Variants in PTPRN2 observed in about 807,000 individuals in gnomAD.
PTPRN2 encodes protein tyrosine phosphatase receptor type N2.
PTPRN2 carries 74 observed loss-of-function variants against 118.8 expected under a neutral mutation model. The observed-to-expected ratio is 0.62, with a 90% CI of 0.52 to 0.76. The LOEUF is 0.76. Ranked by LOEUF, PTPRN2 falls within the 30% of genes least tolerant of loss-of-function variation. The probability of loss-of-function intolerance (pLI) is 0.00; values close to 1 mark genes in which losing one functional copy is unlikely to be tolerated. For missense variants in PTPRN2, 1,481 were observed against 1,394.4 expected (o/e 1.06, Z -0.99); for synonymous variants, 641 against 608.0 (o/e 1.05, Z -0.80).
intron 2 of PTPRN2, among the ~76,000 whole-genome samples, chr7:158,449,990 A>C (rs1483310016): frequency 6.6e-6 from 1 of 152,222 alleles, no homozygotes; most frequent in East Asian, 1.9e-4. Context: ...CTCACACAGA[A>C]ACGTCCTCAT....
intron 2 of PTPRN2, among the ~76,000 whole-genome samples, chr7:158,361,234 G>A (rs797005656): frequency 1.6e-4 from 1 of 6,114 alleles, no homozygotes; most frequent in Non-Finnish European, 3.5e-4. Flanking sequence ...ACCCTCACCT[G>A]GGGTGACCCA....
chr7:158,336,805 C>G (rs1378064599), intron 2 of PTPRN2, among the ~76,000 whole-genome samples: 255 of 99,840 alleles, frequency 2.6e-3, no homozygotes, highest in African/African-American at 8.9e-3. Flanking sequence ...CACATCCACA[C>G]TCTCACCATA....
chr7:158,270,566 G>A (rs867845586), intron 3 of PTPRN2, among the ~76,000 whole-genome samples: 1 of 152,076 alleles, frequency 6.6e-6, no homozygotes, highest in Non-Finnish European at 1.5e-5. Flanking sequence ...TATCACAATT[G>A]AGGGCTGAAC....
rs1268837675 is a variant in PTPRN2, at chr7:157,794,182, GCCCTGACCCGGGATCACAC to G, written c.1788+104472_1788+104490del. ...GGGCTCGCACCTCTCCTCGTTCTCT[GCCCTGACCCGGGATCACAC>G]CTCCGACCCGGGCTCACACCTCCCC... is the stretch of plus-strand genomic sequence containing the variant. On this transcript the variant is annotated intron_variant, in intron 12 of 22. Coordinates refer to ENST00000389418, the MANE Select transcript of PTPRN2 (RefSeq NM_002847.5). The surrounding 1 kb of genome is among the most constrained non-coding windows in gnomAD (Gnocchi z 5.2). 1.6e-3 allele frequency among the ~76,000 whole-genome samples: 230 copies of G among 143,476 alleles called. 11 individuals are homozygous for G. Among genetic ancestry groups the G allele is most frequent in the African/African-American group, 6.0e-3 (219 of 36,386 alleles). The allele number at this position is 143,476 out of a possible 152,430, so 94.1% of individuals were successfully genotyped here.
intron 12 of PTPRN2, among the ~76,000 whole-genome samples, chr7:157,846,390 T>G (rs1808802767): frequency 6.6e-6 from 1 of 151,940 alleles, no homozygotes; most frequent in Admixed American, 6.5e-5. Flanking sequence ...TTATGAAATC[T>G]CTCAGGCCTC....
At chr7:157,913,384 T>C (rs1239355538) in intron 11 of PTPRN2, among the ~76,000 whole-genome samples, 2 of 152,218 alleles carry the variant, frequency 1.3e-5, no homozygotes. Flanking sequence ...CTCTCCTAAG[T>C]GCACCCTTTA....
chr7:158,320,020 T>C (rs375656587), intron 2 of PTPRN2, among the ~76,000 whole-genome samples: 115 of 3,472 alleles, frequency 0.033, no homozygotes, highest in East Asian at 0.036. Context: ...GCCTCCCTCA[T>C]ACACACACAC....
chr7:158,074,456 A>T (rs1812193215), intron 11 of PTPRN2, among the ~76,000 whole-genome samples: 1 of 151,800 alleles, frequency 6.6e-6, no homozygotes, highest in Admixed American at 6.6e-5. Context: ...CAAAACTCTC[A>T]CTCATGTTTT....
At chr7:158,159,373 G>C (rs1373162430) in intron 6 of PTPRN2, among the ~76,000 whole-genome samples, 3 of 152,212 alleles carry the variant, frequency 2.0e-5, no homozygotes, top group Non-Finnish European at 4.4e-5. Context: ...TGGCTGGGTG[G>C]AGACCCGTGA....
At chr7:158,501,021 G>A (rs1361256562) in intron 1 of PTPRN2, among the ~76,000 whole-genome samples, 2 of 152,262 alleles carry the variant, frequency 1.3e-5, no homozygotes, top group African/African-American at 4.8e-5. Context: ...CCCGCCTCCC[G>A]CTCGGAGTCC....
chr7:157,953,266 C>T lies in PTPRN2; in HGVS notation c.1724-54529G>A, dbSNP rs548421828. Among the ~76,000 whole-genome samples, 5 of 152,272 alleles carry T rather than the reference C, an allele frequency of 3.3e-5. No homozygotes were observed. The East Asian group carries it at 7.7e-4, about 24-fold the overall frequency. On this transcript the variant is annotated intron_variant, in intron 11 of 22. Transcript: ENST00000389418. This position sits in a 1 kb window ranked among gnomAD's most constrained non-coding sequence, Gnocchi z 4.6. ...GAGCTTTCGGGAAGGACAGGAGAGC[C>T]GGGTGTGAGAAGCCTCCTTCCTAGG... is the stretch of plus-strand genomic sequence containing the variant.
intron 3 of PTPRN2, among the ~76,000 whole-genome samples, chr7:158,210,373 G>C (rs1827508786): frequency 1.3e-5 from 2 of 151,952 alleles, no homozygotes; most frequent in South Asian, 2.1e-4. Flanking sequence ...CTGACCTCGT[G>C]ATCCGCCCGC....
At chr7:158,425,166 G>A (rs1458683229) in intron 2 of PTPRN2, among the ~76,000 whole-genome samples, 1 of 152,204 alleles carries the variant, frequency 6.6e-6, no homozygotes, top group Non-Finnish European at 1.5e-5. Flanking sequence ...AAGACGCAGA[G>A]TACGAGACCA....
At chr7:157,660,578 T>C (rs1245273396) in intron 13 of PTPRN2, among the ~76,000 whole-genome samples, 1 of 152,204 alleles carries the variant, frequency 6.6e-6, no homozygotes, top group African/African-American at 2.4e-5. Context: ...AAGATTAAAA[T>C]AGATGGTTTC....
intron 11 of PTPRN2, chr7:158,029,061 C>T (rs1221770792): frequency 6.6e-6 from 1 of 152,310 alleles, no homozygotes; most frequent in Non-Finnish European, 1.5e-5. Context: ...GCCACTGAGA[C>T]TCGAACACCC....
At chr7:157,789,412 G>A (rs1804286491) in intron 12 of PTPRN2, among the ~76,000 whole-genome samples, 1 of 152,218 alleles carries the variant, frequency 6.6e-6, no homozygotes, top group Non-Finnish European at 1.5e-5. Context: ...CTTGTACAAG[G>A]TCAGAGAGAC....
In PTPRN2 at chr7:157,690,223, G is replaced by A. The variant is rs993462235; in HGVS notation, c.1789-7286C>T. On this transcript the variant is annotated intron_variant, in intron 12 of 22. Coordinates refer to ENST00000389418, the MANE Select transcript of PTPRN2 (RefSeq NM_002847.5). This position sits in a 1 kb window ranked among gnomAD's most constrained non-coding sequence, Gnocchi z 7.1. ...GCTCAGAAGGAGCTGCCCTTTGCCC[G>A]CTCCTCCTCACAGGCCCACCCTAGA... Among the ~76,000 whole-genome samples, 1 of 152,174 alleles carries A rather than the reference G, an allele frequency of 6.6e-6. No individual in the cohort carries two copies. Among genetic ancestry groups the A allele is most frequent in the Non-Finnish European group, 1.5e-5 (1 of 68,018 alleles).
At chr7:158,105,243 C>T (rs1439309549) in intron 10 of PTPRN2, among the ~76,000 whole-genome samples, 1 of 146,190 alleles carries the variant, frequency 6.8e-6, no homozygotes, top group Non-Finnish European at 1.5e-5. Context: ...TCCATCCCAA[C>T]TCCACCCTCA....
intron 6 of PTPRN2, among the ~76,000 whole-genome samples, chr7:158,139,296 C>A (rs1332936440): frequency 6.6e-6 from 1 of 152,194 alleles, no homozygotes; most frequent in Non-Finnish European, 1.5e-5. Flanking sequence ...GAATCCAACA[C>A]ACATTCTGTA....
Sources: gnomAD v4.1 joint callset for allele counts (sites outside exome capture counted in the v4.1 genomes callset) on GRCh38, gnomAD v4.1.1 for gene constraint, Gnocchi (gnomAD v3.1) non-coding constraint, MANE v1.5 for transcripts, NCBI Gene and HGNC (gene_info 2026-07-23, HGNC 2026-07-21) for gene names.